The following ST3GAL1 variants were observed in gnomAD, a reference collection of about 807,000 sequenced individuals.
The protein encoded by ST3GAL1 is CMP-N-acetylneuraminate-beta-galactosamide-alpha-2,3-sialyltransferase 1.
ST3GAL1 carries 16 observed loss-of-function variants against 34.1 expected under a neutral mutation model. The ratio of observed to expected loss-of-function variants is 0.47; its 90% confidence interval spans 0.32 to 0.71. ST3GAL1 has a LOEUF of 0.71. Among genes scored for constraint, ST3GAL1 ranks in the 30% least tolerant of loss-of-function variants. The probability of loss-of-function intolerance (pLI) is 0.04; values close to 1 mark genes in which losing one functional copy is unlikely to be tolerated. For synonymous variants in ST3GAL1, 191 were observed against 184.7 expected (o/e 1.03, Z -0.28); for missense variants, 353 against 447.4 (o/e 0.79, Z 1.90).
chr8:133,534,602 T>G (rs1818253523), intron 2 of ST3GAL1, among the ~76,000 whole-genome samples: 1 of 152,152 alleles, frequency 6.6e-6, no homozygotes, highest in African/African-American at 2.4e-5. Context: ...AAGGCGTGGA[T>G]AGCAAAGTGA....
intron 3 of ST3GAL1, among the ~76,000 whole-genome samples, chr8:133,489,267 A>C (rs559086956): frequency 4.1e-4 from 62 of 152,152 alleles, no homozygotes; most frequent in African/African-American, 1.4e-3. Flanking sequence ...CAGCACCATG[A>C]CCAGTCCAGG....
chr8:133,458,471 C>G lies in ST3GAL1; in HGVS notation c.*1293G>C, dbSNP rs1815380342. On this transcript the variant is annotated 3_prime_UTR_variant, in exon 10 of 10. Coordinates refer to ENST00000522652, the MANE Select transcript of ST3GAL1 (RefSeq NM_173344.3). ...AGGGACTTGACCCTGAGCTCAGGCCCTTGGGGAAAATGCTGCTGGCAGCCT... is the reference window on the plus strand; with the variant it reads ...AGGGACTTGACCCTGAGCTCAGGCCGTTGGGGAAAATGCTGCTGGCAGCCT... 6.6e-6 allele frequency: 1 copy of G among 152,244 alleles called. No individual in the cohort carries two copies. Among genetic ancestry groups the G allele is most frequent in the Non-Finnish European group, 1.5e-5 (1 of 68,068 alleles). The allele number at this position is 152,244 out of a possible 1,614,324, so 9.4% of individuals were successfully genotyped here. A position where few individuals can be genotyped will look rare whatever the true frequency, so the allele number is the denominator to read the frequency against.
intron 2 of ST3GAL1, chr8:133,539,724 C>T (rs1490232282): frequency 1.3e-5 from 2 of 152,016 alleles, no homozygotes; most frequent in Admixed American, 6.6e-5. Flanking sequence ...CAGCAAAACA[C>T]CATCTCTATA....
chr8:133,481,748 G>A (rs1816402409), intron 3 of ST3GAL1, among the ~76,000 whole-genome samples: 1 of 151,426 alleles, frequency 6.6e-6, no homozygotes, highest in African/African-American at 2.4e-5. Context: ...CACCCACCTC[G>A]GCCTCCCAAA....
chr8:133,565,155 G>GTGTGTA (rs1204763334), intron 1 of ST3GAL1, among the ~76,000 whole-genome samples: 1 of 141,796 alleles, frequency 7.1e-6, no homozygotes, highest in Admixed American at 7.1e-5. Context: ...GTGTGCCTGT[G>GTGTGTA]TGTGTGTGTG....
intron 3 of ST3GAL1, among the ~76,000 whole-genome samples, chr8:133,489,308 A>T (rs1017998009): frequency 3.3e-5 from 5 of 152,164 alleles, no homozygotes; most frequent in Non-Finnish European, 7.4e-5. Context: ...CAAGGGGCAC[A>T]GCTGACAATG....
intron 2 of ST3GAL1, among the ~76,000 whole-genome samples, chr8:133,531,814 G>GAAAAAAAAAAAAAAA (rs55909710): frequency 1.0e-5 from 1 of 99,874 alleles, no homozygotes; most frequent in African/African-American, 3.5e-5. Flanking sequence ...CTTAAAAACA[G>GAAAAAAAAAAAAAAA]AAAAAAAAAA....
At position 133,459,596 on chromosome 8, in the gene ST3GAL1, C is replaced by G; in HGVS notation, c.*168G>C. 1 of 750,510 alleles carries G rather than the reference C, an allele frequency of 1.3e-6. No homozygotes were observed. The allele number at this position is 750,510 out of a possible 1,614,324, so 46.5% of individuals were successfully genotyped here. A position where few individuals can be genotyped will look rare whatever the true frequency, so the allele number is the denominator to read the frequency against. On this transcript the variant is annotated 3_prime_UTR_variant, in exon 10 of 10. Transcript: ENST00000522652. The surrounding 1 kb of genome is among the most constrained non-coding windows in gnomAD (Gnocchi z 4.7). Reference sequence around the variant, plus strand: ...TGCCACGCTGGCAGAGCTTAGTGACCTTGCTGAGTAGATGCTGCCAACGGC... The same window carrying G: ...TGCCACGCTGGCAGAGCTTAGTGACGTTGCTGAGTAGATGCTGCCAACGGC...
rs78501421 is a variant in ST3GAL1, at chr8:133,507,116, G to A, written c.-428-7927C>T. On this transcript the variant is annotated intron_variant, in intron 2 of 9. Transcript: ENST00000522652. ...AATCCAAGAATTCCACATAAGAAAC[G>A]TGTTCTAGACTCTGGAGTCCAAGTA... is the stretch of plus-strand genomic sequence containing the variant. 3.2e-3 allele frequency among the ~76,000 whole-genome samples: 494 copies of A among 152,248 alleles called. 2 individuals are homozygous for A. The highest frequency in any genetic ancestry group is 0.011 in the African/African-American group (467 of 41,544).
chr8:133,549,002 T>C (rs997526225), intron 1 of ST3GAL1, among the ~76,000 whole-genome samples: 3 of 152,250 alleles, frequency 2.0e-5, no homozygotes, highest in African/African-American at 4.8e-5. Context: ...TTGGGCCTTA[T>C]GTATGTTACA....
At chr8:133,464,132 T>C (rs932188501) in intron 7 of ST3GAL1, among the ~76,000 whole-genome samples, 1 of 152,204 alleles carries the variant, frequency 6.6e-6, no homozygotes, top group Non-Finnish European at 1.5e-5. Context: ...AAGGGTCAGA[T>C]GACAGCACAG....
rs535496749 is a variant in ST3GAL1, at chr8:133,464,643, G to C, written c.683+135C>G. 7 of 929,476 alleles carry C rather than the reference G, an allele frequency of 7.5e-6. No individual in the cohort carries two copies. In the African/African-American group the frequency reaches 1.2e-4, roughly 15 times the overall value. The allele number at this position is 929,476 out of a possible 1,614,324, so 57.6% of individuals were successfully genotyped here. On this transcript the variant is annotated intron_variant, in intron 7 of 9. Transcript: ENST00000522652. ...GTCGGGGAGGCGGCCACGGGAACTG[G>C]GCTTGTGTGTGCCGGAGGAGGCTGG... is the stretch of plus-strand genomic sequence containing the variant.
intron 2 of ST3GAL1, among the ~76,000 whole-genome samples, chr8:133,534,140 T>C (rs1818236820): frequency 6.6e-6 from 1 of 152,118 alleles, no homozygotes; most frequent in Non-Finnish European, 1.5e-5. Context: ...GCCAATTCCA[T>C]TCTATTCAAC....
chr8:133,465,857 G>A, intron 6 of ST3GAL1, 37 bp downstream of exon 6: 2 of 1,595,028 alleles, frequency 1.3e-6, no homozygotes, highest in South Asian at 1.1e-5. Context: ...GCCCCTGGGT[G>A]CAGCACGGTA....
At chr8:133,490,771 C>A (rs573624360) in intron 3 of ST3GAL1, among the ~76,000 whole-genome samples, 1 of 152,282 alleles carries the variant, frequency 6.6e-6, no homozygotes, top group South Asian at 2.1e-4. Context: ...CAAAGGGGAG[C>A]CCGGCTGGCT....
chr8:133,474,660 C>T (rs1586595078), intron 5 of ST3GAL1, among the ~76,000 whole-genome samples: 1 of 152,154 alleles, frequency 6.6e-6, no homozygotes, highest in Non-Finnish European at 1.5e-5. Flanking sequence ...TTACATCCAG[C>T]AGAGGCCACC....
intron 2 of ST3GAL1, among the ~76,000 whole-genome samples, chr8:133,501,616 G>T (rs1206309763): frequency 6.6e-6 from 1 of 152,136 alleles, no homozygotes; most frequent in African/African-American, 2.4e-5. Context: ...AGGTGTGGTG[G>T]CAGGCGTCTG....
chr8:133,468,034 C>T (rs1002493048), intron 5 of ST3GAL1, among the ~76,000 whole-genome samples: 10 of 152,160 alleles, frequency 6.6e-5, no homozygotes, highest in Admixed American at 1.3e-4. Context: ...GATGTAAAAC[C>T]GTGCAGCCGA....
At chr8:133,515,032 T>C (rs1467016603) in intron 2 of ST3GAL1, among the ~76,000 whole-genome samples, 1 of 152,060 alleles carries the variant, frequency 6.6e-6, no homozygotes, top group African/African-American at 2.4e-5. Context: ...GACCTGCCCC[T>C]CCCTTCCTGA....
Sources: gnomAD v4.1 joint callset for allele counts (sites outside exome capture counted in the v4.1 genomes callset) on GRCh38, gnomAD v4.1.1 for gene constraint, Gnocchi (gnomAD v3.1) non-coding constraint, MANE v1.5 for transcripts, NCBI Gene and HGNC (gene_info 2026-07-23, HGNC 2026-07-21) for gene names.